Variants in SLC41A2 observed in about 807,000 individuals in gnomAD.
SLC41A2 encodes the protein solute carrier family 41 member 2, also known as SLC41A1-like 1.
In SLC41A2, 32 loss-of-function variants were observed where a neutral mutation model predicts 58.3. The observed-to-expected ratio is 0.55, with a 90% CI of 0.41 to 0.74. The LOEUF is 0.74. Among genes scored for constraint, SLC41A2 ranks in the 30% least tolerant of loss-of-function variants. The pLI is 0.00. For missense variants in SLC41A2, 514 were observed against 680.6 expected (o/e 0.76, Z 2.72); for synonymous variants, 190 against 235.0 (o/e 0.81, Z 1.75).
chr12:104,937,943 G>T (rs2047348431), intron 1 of SLC41A2, among the ~76,000 whole-genome samples: 1 of 152,146 alleles, frequency 6.6e-6, no homozygotes, highest in African/African-American at 2.4e-5. Context: ...AGTATAAACT[G>T]CCAAAAGCAC....
At chr12:104,809,847 AG>A (rs968623349) in intron 10 of SLC41A2, among the ~76,000 whole-genome samples, 41 of 152,126 alleles carry the variant, frequency 2.7e-4, no homozygotes, top group African/African-American at 9.6e-4. Flanking sequence ...ACAGACTGAG[AG>A]AAAGAGAGTC....
At chr12:104,822,765 A>G (rs1397322499) in intron 10 of SLC41A2, among the ~76,000 whole-genome samples, 2 of 152,144 alleles carry the variant, frequency 1.3e-5, no homozygotes, top group African/African-American at 2.4e-5. Flanking sequence ...AGTAATAGAT[A>G]TCTCTAGAAA....
chr12:104,849,695 G>A (rs1314014403), intron 8 of SLC41A2, among the ~76,000 whole-genome samples: 3 of 152,278 alleles, frequency 2.0e-5, no homozygotes, highest in Middle Eastern at 3.4e-3. Context: ...GGGTGTGCTG[G>A]TGCACACCTG....
chr12:104,865,487 T>C (rs1035020463), intron 7 of SLC41A2, among the ~76,000 whole-genome samples: 1 of 152,218 alleles, frequency 6.6e-6, no homozygotes, highest in African/African-American at 2.4e-5. Context: ...TCAGATGTAC[T>C]TGATGCCTTT....
intron 8 of SLC41A2, among the ~76,000 whole-genome samples, chr12:104,852,350 G>A (rs78591881): frequency 1.3e-5 from 2 of 152,228 alleles, no homozygotes; most frequent in East Asian, 1.9e-4. Context: ...GATATGGAAT[G>A]CTTCAATGCA....
intron 1 of SLC41A2, among the ~76,000 whole-genome samples, chr12:104,952,520 T>C (rs2047994338): frequency 6.6e-6 from 1 of 152,138 alleles, no homozygotes; most frequent in Admixed American, 6.6e-5. Context: ...AAAGAGACCT[T>C]TTTCTAAAGA....
chr12:104,922,377 TG>T (rs2135851152), intron 2 of SLC41A2, among the ~76,000 whole-genome samples: 1 of 152,226 alleles, frequency 6.6e-6, no homozygotes, highest in South Asian at 2.1e-4. Flanking sequence ...GCTATATTTA[TG>T]CTAGATAGAA....
At chr12:104,812,635 GA>G (rs1464474021) in intron 10 of SLC41A2, among the ~76,000 whole-genome samples, 1 of 152,014 alleles carries the variant, frequency 6.6e-6, no homozygotes, top group African/African-American at 2.4e-5. Context: ...TGAACCGAGA[GA>G]AAAATGGGAT....
At chr12:104,831,050 T>A (rs1344272415) in intron 10 of SLC41A2, among the ~76,000 whole-genome samples, 1 of 152,186 alleles carries the variant, frequency 6.6e-6, no homozygotes, top group East Asian at 1.9e-4. Context: ...TACTTCACTA[T>A]GAAGCTTTAC....
intron 2 of SLC41A2, among the ~76,000 whole-genome samples, chr12:104,920,354 C>A (rs2046535654): frequency 6.6e-6 from 1 of 151,856 alleles, no homozygotes; most frequent in African/African-American, 2.4e-5. Flanking sequence ...AAAGGGAATT[C>A]TGTTAAACAT....
At chr12:104,833,908 AT>A (rs950655673) in intron 10 of SLC41A2, 14 of 549,822 alleles carry the variant, frequency 2.5e-5, no homozygotes, top group Non-Finnish European at 3.0e-5. Flanking sequence ...CAGTTATAAG[AT>A]TTTTTTTGTA....
In SLC41A2 at chr12:104,927,982, A is replaced by G. The variant is rs774616974; in HGVS notation, c.546T>C (p.Asp182=). 1 of 1,604,708 alleles carries G rather than the reference A, an allele frequency of 6.2e-7. No individual in the cohort carries two copies. The highest frequency in any genetic ancestry group is 1.7e-5 in the Admixed American group (1 of 59,510). The part of the protein sequence containing the change: ...FGTVSAGMVL[D]IVQHWEVFRK... ...AAAGATGAAAACCCACCTGTACTAT[A>G]TCCAGTACCATGCCAGCTGAAACTG... Residue 182 remains aspartate (D), a synonymous_variant, in exon 2 of 11, where the codon GAT becomes GAC. Transcript: ENST00000258538.
At chr12:104,867,446 A>G (rs2043522521) in intron 6 of SLC41A2, among the ~76,000 whole-genome samples, 1 of 152,096 alleles carries the variant, frequency 6.6e-6, no homozygotes, top group African/African-American at 2.4e-5. Context: ...CTACAGCCTT[A>G]GATTACTTAA....
intron 10 of SLC41A2, chr12:104,834,295 A>T (rs2042135781): frequency 3.8e-6 from 2 of 526,958 alleles, no homozygotes; most frequent in South Asian, 1.6e-4. Flanking sequence ...GAGGCTGTTA[A>T]AAAATAATCT....
At chr12:104,814,550 A>ATGTT (rs1566096857) in intron 10 of SLC41A2, among the ~76,000 whole-genome samples, 1 of 152,086 alleles carries the variant, frequency 6.6e-6, no homozygotes, top group Non-Finnish European at 1.5e-5. Context: ...AATGAAACAA[A>ATGTT]TGTTTGCTAT....
At chr12:104,957,089 G>A (rs1230791094) in intron 1 of SLC41A2, among the ~76,000 whole-genome samples, 4 of 152,128 alleles carry the variant, frequency 2.6e-5, no homozygotes, top group South Asian at 2.1e-4. Flanking sequence ...GTAAACAAAT[G>A]TGCATAGCAG....
rs564076046 is a variant in SLC41A2 at position 104,921,749 on chromosome 12, C to T, written c.555+6224G>A. 1.3e-4 allele frequency among the ~76,000 whole-genome samples: 20 copies of T among 152,186 alleles called. 1 individual carries two copies. The highest frequency in any genetic ancestry group is 8.3e-4 in the South Asian group (4 of 4,822). On this transcript the variant is annotated intron_variant, in intron 2 of 10. Coordinates refer to ENST00000258538, the MANE Select transcript of SLC41A2 (RefSeq NM_001352171.3). ...AATACTGTAATTAGGGTGTGCAATC[C>T]GCTCATAACTCTAGTATGAAGCCTA...
At chr12:104,931,175 G>C (rs921679235) in intron 1 of SLC41A2, among the ~76,000 whole-genome samples, 1 of 152,214 alleles carries the variant, frequency 6.6e-6, no homozygotes, top group Non-Finnish European at 1.5e-5. Flanking sequence ...CATCAGACTA[G>C]GCAGTTGGGT....
chr12:104,866,515 A>G lies in SLC41A2; in HGVS notation c.1092T>C (p.Ile364=). 1 of 1,613,164 alleles carries G rather than the reference A, an allele frequency of 6.2e-7. No homozygotes were observed. The highest frequency in any genetic ancestry group is 8.5e-7 in the Non-Finnish European group (1 of 1,179,608). The change falls in exon 7 of 11, where the codon ATT becomes ATC. Residue 364 remains isoleucine (I), a synonymous_variant. Coordinates refer to ENST00000258538, the MANE Select transcript of SLC41A2 (RefSeq NM_001352171.3). ...TGGCTGGATGTTTGGCAGCTATTAT[A>G]ATCCAAATAGGGGTTAGAGCCAAGA... ...VFFLALTPIW[I]IIAAKHPATR... is the part of the protein sequence containing the mutation.
Sources: gnomAD v4.1 joint callset for allele counts (sites outside exome capture counted in the v4.1 genomes callset) on GRCh38, gnomAD v4.1.1 for gene constraint, MANE v1.5 for transcripts, NCBI Gene and HGNC (gene_info 2026-07-23, HGNC 2026-07-21) for gene names.